The following SEZ6L variants were observed in gnomAD, a reference collection of about 807,000 sequenced individuals.
SEZ6L encodes seizure 6-like protein.
A neutral mutation model predicts 106.2 loss-of-function variants in SEZ6L; 37 were observed. That is an observed-to-expected ratio of 0.35 (90% confidence interval 0.27 to 0.46). SEZ6L has a LOEUF of 0.46. Among genes scored for constraint, SEZ6L ranks in the 20% least tolerant of loss-of-function variants. The pLI, the probability that SEZ6L is intolerant of heterozygous loss-of-function variation, is 1.00. For synonymous variants in SEZ6L, 541 were observed against 570.4 expected (o/e 0.95, Z 0.73); for missense variants, 1,172 against 1,332.8 (o/e 0.88, Z 1.88).
intron 1 of SEZ6L, among the ~76,000 whole-genome samples, chr22:26,194,106 G>A (rs1288845162): frequency 6.6e-6 from 1 of 152,192 alleles, no homozygotes; most frequent in Non-Finnish European, 1.5e-5. Context: ...GCAATGTAAA[G>A]ATGAGAGAGA....
At chr22:26,248,395 C>T (rs939581812) in intron 1 of SEZ6L, among the ~76,000 whole-genome samples, 2 of 152,170 alleles carry the variant, frequency 1.3e-5, no homozygotes, top group African/African-American at 4.8e-5. Context: ...CACTCTTTTG[C>T]TCCAGCTGGA....
At chr22:26,356,308 C>T (rs1285764103) in intron 12 of SEZ6L, among the ~76,000 whole-genome samples, 2 of 152,160 alleles carry the variant, frequency 1.3e-5, no homozygotes, top group African/African-American at 2.4e-5. Context: ...AAGTAATGCA[C>T]ATACATTAAA....
intron 1 of SEZ6L, among the ~76,000 whole-genome samples, chr22:26,241,831 TCA>T (rs2079145593): frequency 6.6e-6 from 1 of 152,222 alleles, no homozygotes; most frequent in African/African-American, 2.4e-5. Flanking sequence ...TCCATTAATG[TCA>T]CAGGCTTAAT....
chr22:26,171,799 A>T (rs1601944033), intron 1 of SEZ6L, among the ~76,000 whole-genome samples: 1 of 152,220 alleles, frequency 6.6e-6, no homozygotes, highest in East Asian at 1.9e-4. Flanking sequence ...GGAGGGAGTG[A>T]TACTGGCCAA....
Position 26,287,074 on chromosome 22 carries a change from A to G in SEZ6L, c.95-5332A>G, listed in dbSNP as rs535871222. Among the ~76,000 whole-genome samples, 637 of 131,700 alleles carry G rather than the reference A, an allele frequency of 4.8e-3. 10 individuals are homozygous for G. The highest frequency in any genetic ancestry group is 0.017 in the African/African-American group (603 of 35,208). The allele number at this position is 131,700 out of a possible 152,430, so 86.4% of individuals were successfully genotyped here. ...AGCTTGTGCTTTTTTTTTTTTTTTC[A>G]CTTTAATAGGATGTTCCCAGTCTAA... On this transcript the variant is annotated intron_variant, in intron 1 of 16. Coordinates refer to ENST00000248933, the MANE Select transcript of SEZ6L (RefSeq NM_021115.5).
chr22:26,267,092 T>G (rs1232541007), intron 1 of SEZ6L, among the ~76,000 whole-genome samples: 1 of 152,202 alleles, frequency 6.6e-6, no homozygotes, highest in Non-Finnish European at 1.5e-5. Context: ...TAACATTTAT[T>G]ATTTACTATG....
At chr22:26,267,532 G>C (rs2080228709) in intron 1 of SEZ6L, among the ~76,000 whole-genome samples, 1 of 152,136 alleles carries the variant, frequency 6.6e-6, no homozygotes, top group African/African-American at 2.4e-5. Context: ...GTGAGCTCTG[G>C]GTAAAGAGGG....
chr22:26,335,070 G>A (rs908652190), intron 9 of SEZ6L, among the ~76,000 whole-genome samples: 4 of 152,116 alleles, frequency 2.6e-5, no homozygotes. Context: ...TTTTCATCTC[G>A]GTTGCTTACA....
At chr22:26,293,201 A>G in intron 2 of SEZ6L, 55 bp downstream of exon 2, 1 of 1,460,846 alleles carries the variant, frequency 6.8e-7, no homozygotes. Flanking sequence ...GGCACTCACT[A>G]TGTTCAGGGC....
intron 8 of SEZ6L, 123 bp from the exon 9 acceptor site, chr22:26,313,641 C>A: frequency 1.8e-6 from 2 of 1,133,142 alleles, no homozygotes; most frequent in Admixed American, 2.0e-5. Flanking sequence ...GAGGTGAAGA[C>A]ACCTGTCCAC....
intron 3 of SEZ6L, among the ~76,000 whole-genome samples, chr22:26,294,778 T>C (rs1156610775): frequency 6.6e-6 from 1 of 151,580 alleles, no homozygotes; most frequent in East Asian, 1.9e-4. Context: ...CCTGATTCAT[T>C]TGATTCTTTC....
intron 4 of SEZ6L, 103 bp downstream of exon 4, chr22:26,297,183 T>C (rs757878284): frequency 1.0e-5 from 9 of 862,538 alleles, no homozygotes; most frequent in Non-Finnish European, 1.5e-5. Context: ...TCTGACAGTT[T>C]GGTAAAACCT....
At chr22:26,272,512 G>A (rs1373990287) in intron 1 of SEZ6L, among the ~76,000 whole-genome samples, 1 of 152,208 alleles carries the variant, frequency 6.6e-6, no homozygotes. Context: ...GGAAAACTCA[G>A]ACTGCATAGG....
At chr22:26,358,392 C>T (rs2083507669) in intron 12 of SEZ6L, among the ~76,000 whole-genome samples, 1 of 152,164 alleles carries the variant, frequency 6.6e-6, no homozygotes, top group South Asian at 2.1e-4. Flanking sequence ...AATATAAAGG[C>T]TTTTAATGAA....
intron 1 of SEZ6L, among the ~76,000 whole-genome samples, chr22:26,192,391 A>G (rs192750278): frequency 6.6e-6 from 1 of 152,188 alleles, no homozygotes; most frequent in East Asian, 1.9e-4. Flanking sequence ...AAGAAGTATT[A>G]AAGTTATGTT....
At chr22:26,379,543 T>A (rs16981985) in intron 16 of SEZ6L, among the ~76,000 whole-genome samples, 10,037 of 152,326 alleles carry the variant, frequency 0.066, 669 homozygotes, top group African/African-American at 0.17. Context: ...TGTGACAGTG[T>A]CAACTTCCAG....
intron 1 of SEZ6L, among the ~76,000 whole-genome samples, chr22:26,199,983 T>C (rs1006768487): frequency 6.6e-6 from 1 of 152,150 alleles, no homozygotes; most frequent in African/African-American, 2.4e-5. Context: ...ACAACAGCCC[T>C]CCAACTTGAT....
intron 15 of SEZ6L, 94 bp downstream of exon 15, chr22:26,375,783 A>C: frequency 1.2e-6 from 1 of 848,162 alleles, no homozygotes; most frequent in Non-Finnish European, 1.9e-6. Flanking sequence ...CAGGGTCTCC[A>C]CCTGGAGCTC....
At chr22:26,248,204 G>C (rs2079432062) in intron 1 of SEZ6L, among the ~76,000 whole-genome samples, 1 of 152,222 alleles carries the variant, frequency 6.6e-6, no homozygotes, top group Non-Finnish European at 1.5e-5. Flanking sequence ...AATGCCTCCA[G>C]TGTCAACATC....
Sources: gnomAD v4.1 joint callset for allele counts (sites outside exome capture counted in the v4.1 genomes callset) on GRCh38, gnomAD v4.1.1 for gene constraint, MANE v1.5 for transcripts, NCBI Gene and HGNC (gene_info 2026-07-23, HGNC 2026-07-21) for gene names.